The following ZRANB1 variants were observed in gnomAD, a reference collection of about 807,000 sequenced individuals.
The protein encoded by ZRANB1 is ubiquitin thioesterase ZRANB1.
ZRANB1 carries 16 observed loss-of-function variants against 80.5 expected under a neutral mutation model. That is an observed-to-expected ratio of 0.20 (90% CI 0.13 to 0.30). The LOEUF (loss-of-function observed/expected upper bound fraction) is 0.30. ZRANB1 is among the 10% of genes least tolerant of loss of function. ZRANB1 has a pLI of 1.00. For synonymous variants in ZRANB1, 291 were observed against 293.1 expected (o/e 0.99, Z 0.07); for missense variants, 576 against 862.6 (o/e 0.67, Z 4.16).
At chr10:124,955,239 T>G (rs893810132) in intron 1 of ZRANB1, among the ~76,000 whole-genome samples, 4 of 152,012 alleles carry the variant, frequency 2.6e-5, no homozygotes, top group African/African-American at 9.7e-5. Context: ...TTTTGTTTTT[T>G]TTTTGTTTGT....
chr10:124,964,741 A>G (rs956863699), intron 1 of ZRANB1, among the ~76,000 whole-genome samples: 3 of 152,238 alleles, frequency 2.0e-5, no homozygotes, highest in African/African-American at 7.2e-5. Context: ...GATTAGAACT[A>G]AAGACTATAA....
At chr10:124,972,340 G>A (rs1481081901) in intron 3 of ZRANB1, among the ~76,000 whole-genome samples, 3 of 152,072 alleles carry the variant, frequency 2.0e-5, no homozygotes, top group Non-Finnish European at 4.4e-5. Flanking sequence ...TGATAGTAAC[G>A]GATTTCTTTG....
the ZRANB1 span, among the ~76,000 whole-genome samples, chr10:124,919,249 C>T: frequency 6.6e-6 from 1 of 152,232 alleles, no homozygotes; most frequent in South Asian, 2.1e-4. Flanking sequence ...ATGTGAATTA[C>T]AAAAGTAGTC....
rs1280033061 is a variant in ZRANB1, at chr10:124,961,933, TGTGG to T, written c.815-4660_815-4657del. 7.2e-5 allele frequency among the ~76,000 whole-genome samples: 11 copies of T among 152,370 alleles called. No individual in the cohort carries two copies. In the East Asian group the frequency reaches 1.7e-3, roughly 24 times the overall value. ...GGATCTTAACTTGTTGCTATTATTA[TGTGG>T]AAAATACAACCAGGAGGTGTTTTGG... On this transcript the variant is annotated intron_variant, in intron 1 of 8. Transcript: ENST00000359653.
chr10:124,922,668 T>A, the ZRANB1 span, among the ~76,000 whole-genome samples: 6 of 151,320 alleles, frequency 4.0e-5, no homozygotes, highest in Admixed American at 2.0e-4. Flanking sequence ...CATTTTTTTG[T>A]ATCTTTTAGT....
At chr10:124,958,073 G>A (rs1331081297) in intron 1 of ZRANB1, among the ~76,000 whole-genome samples, 2 of 152,154 alleles carry the variant, frequency 1.3e-5, no homozygotes, top group Non-Finnish European at 2.9e-5. Context: ...TTCATTGTAT[G>A]TGTATACCAC....
At chr10:124,972,215 A>AG in intron 3 of ZRANB1, 97 bp downstream of exon 3, 3 of 1,089,406 alleles carry the variant, frequency 2.8e-6, no homozygotes, top group African/African-American at 1.6e-5. Context: ...AGCACATAAC[A>AG]TAGCTACTGT....
the ZRANB1 span, among the ~76,000 whole-genome samples, chr10:124,920,149 C>G: frequency 1.3e-5 from 2 of 150,868 alleles, no homozygotes; most frequent in Admixed American, 6.6e-5. Flanking sequence ...TCTCGAACTC[C>G]TGACCTCAGA....
chr10:124,962,130 T>C (rs1019056775), intron 1 of ZRANB1, among the ~76,000 whole-genome samples: 2 of 152,226 alleles, frequency 1.3e-5, no homozygotes, highest in Non-Finnish European at 2.9e-5. Context: ...GCTTATGATA[T>C]AAAAAAGTAT....
At chr10:124,919,155 C>T in the ZRANB1 span, among the ~76,000 whole-genome samples, 1 of 152,166 alleles carries the variant, frequency 6.6e-6, no homozygotes, top group Non-Finnish European at 1.5e-5. Context: ...TCTAGTTGTA[C>T]AATATATGAG....
intron 2 of ZRANB1, among the ~76,000 whole-genome samples, chr10:124,969,922 G>A (rs1392957084): frequency 1.3e-5 from 2 of 152,108 alleles, no homozygotes; most frequent in African/African-American, 4.8e-5. Context: ...GTGGTGGAAG[G>A]GGTTGTTTGG....
Position 124,983,604 on chromosome 10 carries a change from CGAT to C in ZRANB1, c.1832_1834del (p.Asp611del). 1.9e-6 allele frequency: 3 copies of C among 1,613,894 alleles called. No individual in the cohort carries two copies. Among genetic ancestry groups the C allele is most frequent in the Non-Finnish European group, 2.5e-6 (3 of 1,179,926 alleles). ...GAGGTGCTGGTGCTAATCTCAATAC[CGAT>C]GATGATGTCACCATCACATTTTTGC... On this transcript the variant is annotated inframe_deletion, in exon 8 of 9. Coordinates refer to ENST00000359653, the MANE Select transcript of ZRANB1 (RefSeq NM_017580.3). This position sits in a 1 kb window ranked among gnomAD's most constrained non-coding sequence, Gnocchi z 6.2.
At chr10:124,937,791 ATATATT>A (rs1451967372), upstream of ZRANB1, among the ~76,000 whole-genome samples, 2 of 152,228 alleles carry the variant, frequency 1.3e-5, no homozygotes, top group Non-Finnish European at 2.9e-5. Flanking sequence ...TAAATGGTTG[ATATATT>A]TAGAGACATT....
chr10:124,974,531 T>TA (rs1951857410), intron 5 of ZRANB1, 133 bp downstream of exon 5: 1 of 896,232 alleles, frequency 1.1e-6, no homozygotes, highest in Admixed American at 2.9e-5. Flanking sequence ...TTTTGGACAT[T>TA]AAAATACTTT....
the ZRANB1 span, chr10:124,917,172 A>AGTC: frequency 5.9e-6 from 1 of 169,524 alleles, no homozygotes; most frequent in Non-Finnish European, 1.2e-5. Context: ...CTGCGCGGGG[A>AGTC]GTCGCCGCTG....
the ZRANB1 span, among the ~76,000 whole-genome samples, chr10:124,935,111 A>G: frequency 6.6e-6 from 1 of 152,210 alleles, no homozygotes; most frequent in East Asian, 1.9e-4. Flanking sequence ...GTGTTTAATA[A>G]TTTCGTGGAT....
the ZRANB1 span, among the ~76,000 whole-genome samples, chr10:124,935,338 T>G: frequency 6.6e-6 from 1 of 152,224 alleles, no homozygotes; most frequent in African/African-American, 2.4e-5. Flanking sequence ...GTATCAAACA[T>G]GAATCTTAGT....
At chr10:124,917,440 C>A in the ZRANB1 span, among the ~76,000 whole-genome samples, 18 of 151,680 alleles carry the variant, frequency 1.2e-4, no homozygotes, top group Non-Finnish European at 2.7e-4. Flanking sequence ...GTCGGCGCTT[C>A]CATCTTGGGC....
chr10:124,937,311 C>T (rs990369486), upstream of ZRANB1, among the ~76,000 whole-genome samples: 4 of 151,278 alleles, frequency 2.6e-5, no homozygotes, highest in East Asian at 1.9e-4. Flanking sequence ...CTCAGCCTCC[C>T]GAGTAGCTGG....
Sources: allele counts gnomAD v4.1 joint callset (sites outside exome capture counted in the v4.1 genomes callset), GRCh38; gene constraint gnomAD v4.1.1; non-coding constraint Gnocchi (gnomAD v3.1); transcripts MANE v1.5; gene names NCBI Gene and HGNC (gene_info 2026-07-23, HGNC 2026-07-21).